Variants in NEBL observed in about 807,000 individuals in gnomAD.
The protein encoded by NEBL is LIM and SH3 protein 2.
Under a neutral mutation model 140.2 loss-of-function variants are expected in NEBL, and 122 were observed. That is an observed-to-expected ratio of 0.87 (90% CI 0.75 to 1.01). The LOEUF is 1.01. NEBL is among the 50% of genes least tolerant of loss of function. NEBL has a pLI of 0.00. For missense variants in NEBL, 1,365 were observed against 1,231.3 expected, an observed-to-expected ratio of 1.11 and a Z score of -1.62; for synonymous variants, 436 against 398.9, an observed-to-expected ratio of 1.09 and a Z score of -1.11.
intron 2 of NEBL, among the ~76,000 whole-genome samples, chr10:21,103,307 G>A (rs954414164): frequency 2.7e-5 from 4 of 150,790 alleles, no homozygotes; most frequent in South Asian, 2.1e-4. Context: ...TCCGCCTTCC[G>A]GGTTCATGCC....
intron 2 of NEBL, among the ~76,000 whole-genome samples, chr10:21,145,256 T>A (rs535184905): frequency 6.6e-6 from 1 of 152,340 alleles, no homozygotes; most frequent in South Asian, 2.1e-4. Context: ...ATAAGCCTTC[T>A]GGCTTGGCAA....
At chr10:21,196,352 T>A (rs1841651149) in intron 3 of NEBL, among the ~76,000 whole-genome samples, 1 of 150,786 alleles carries the variant, frequency 6.6e-6, no homozygotes. Context: ...TTTATTTATC[T>A]ATTTATTTTG....
At chr10:21,005,458 G>C (rs552324621) in intron 3 of NEBL, among the ~76,000 whole-genome samples, 1 of 152,172 alleles carries the variant, frequency 6.6e-6, no homozygotes, top group Non-Finnish European at 1.5e-5. Context: ...TATCTGGCCA[G>C]GCACAGTGGC....
intron 3 of NEBL, among the ~76,000 whole-genome samples, chr10:21,237,330 G>T (rs574874632): frequency 6.6e-6 from 1 of 151,892 alleles, no homozygotes; most frequent in East Asian, 1.9e-4. Context: ...TCAGCCTCCC[G>T]AGTAGCTAAG....
chr10:20,852,761 G>T, intron 9 of NEBL, 112 bp from the exon 10 acceptor site: 1 of 958,094 alleles, frequency 1.0e-6, no homozygotes, highest in Non-Finnish European at 1.6e-6. Flanking sequence ...CAAAGCTGTT[G>T]CCAAGTCCCC....
At chr10:20,886,988 C>G (rs915234048) in intron 4 of NEBL, among the ~76,000 whole-genome samples, 1 of 152,168 alleles carries the variant, frequency 6.6e-6, no homozygotes, top group East Asian at 1.9e-4. Context: ...GAGCAAGGAA[C>G]GAGACAGATG....
rs749674238 is a variant in NEBL at position 20,897,196 on chromosome 10, G to C, written c.10C>G (p.Pro4Ala). MRVPVFEDIKDETE... is the reference protein window; with the variant it reads MRVAVFEDIKDETE... ...TCATCTTTTATATCCTCAAATACAG[G>C]GACCCTCATTTTTACCCTTTAAAAT... is the stretch of plus-strand genomic sequence containing the variant. The change falls in exon 1 of 28, where the codon CCT becomes GCT. Residue 4 changes from proline to alanine, a missense_variant. Physicochemically the swap from Pro to Ala is conservative, Grantham distance 27. Around this residue, in one of 2 missense-constraint regions of NEBL, gnomAD observed 1,323 missense variants for 1,154.8 expected, o/e 1.15. Coordinates refer to ENST00000377122, the MANE Select transcript of NEBL (RefSeq NM_006393.3). 1 of 1,594,334 alleles carries C rather than the reference G, an allele frequency of 6.3e-7. No homozygotes were observed. The highest frequency in any genetic ancestry group is 8.6e-7 in the Non-Finnish European group (1 of 1,167,350).
chr10:21,146,523 A>G, intron 2 of NEBL: 1 of 1,599,114 alleles, frequency 6.3e-7, no homozygotes, highest in Non-Finnish European at 8.5e-7. Flanking sequence ...CTCCTGCATT[A>G]TCAGAAAATG....
intron 7 of NEBL, among the ~76,000 whole-genome samples, chr10:20,866,321 C>G (rs887311052): frequency 6.6e-6 from 1 of 151,962 alleles, no homozygotes; most frequent in African/African-American, 2.4e-5. Context: ...ACATTACAAA[C>G]GCATTTAATG....
chr10:21,072,891 T>A (rs1210377580), intron 2 of NEBL, among the ~76,000 whole-genome samples: 2 of 152,174 alleles, frequency 1.3e-5, no homozygotes, highest in African/African-American at 4.8e-5. Flanking sequence ...CTTGGGAGGC[T>A]GAGGCATGAG....
intron 20 of NEBL, among the ~76,000 whole-genome samples, chr10:20,817,956 AG>A (rs1391970359): frequency 2.0e-5 from 3 of 152,196 alleles, no homozygotes; most frequent in Admixed American, 6.5e-5. Context: ...CACAAATAAA[AG>A]TAATGGAATC....
At chr10:20,865,103 A>G (rs1844136323) in intron 7 of NEBL, among the ~76,000 whole-genome samples, 2 of 152,166 alleles carry the variant, frequency 1.3e-5, no homozygotes, top group African/African-American at 4.8e-5. Context: ...CAAATGTCAA[A>G]ACTTTCTTCT....
chr10:20,819,660 T>C (rs1419880586), intron 19 of NEBL, 144 bp from the exon 20 acceptor site: 5 of 1,029,410 alleles, frequency 4.9e-6, no homozygotes, highest in Admixed American at 2.1e-5. Flanking sequence ...GAAATATGTA[T>C]TGCTTATAGA....
intron 26 of NEBL, among the ~76,000 whole-genome samples, chr10:20,804,982 A>C (rs1313996574): frequency 1.3e-5 from 2 of 152,174 alleles, no homozygotes; most frequent in Non-Finnish European, 2.9e-5. Flanking sequence ...GGCAACTATC[A>C]TTGTCCAAAT....
intron 2 of NEBL, among the ~76,000 whole-genome samples, chr10:21,071,671 C>T (rs114874951): frequency 2.6e-5 from 4 of 152,276 alleles, no homozygotes; most frequent in African/African-American, 9.6e-5. Flanking sequence ...CTGGGATCTC[C>T]AGGATTCATC....
chr10:20,838,285 T>G (rs1291945836), intron 13 of NEBL, among the ~76,000 whole-genome samples: 1 of 152,162 alleles, frequency 6.6e-6, no homozygotes, highest in Non-Finnish European at 1.5e-5. Flanking sequence ...TGGAAGAAGT[T>G]GATTTCAACT....
chr10:21,211,462 C>G (rs1415026172), intron 3 of NEBL, among the ~76,000 whole-genome samples: 1 of 152,084 alleles, frequency 6.6e-6, no homozygotes, highest in Non-Finnish European at 1.5e-5. Flanking sequence ...CAGAGTGAGA[C>G]TCTATCACAA....
At chr10:21,078,535 C>T (rs1836209380) in intron 2 of NEBL, among the ~76,000 whole-genome samples, 1 of 150,064 alleles carries the variant, frequency 6.7e-6, no homozygotes, top group Non-Finnish European at 1.5e-5. Flanking sequence ...CTTTGGAAAT[C>T]TTCTTGAATC....
intron 4 of NEBL, among the ~76,000 whole-genome samples, chr10:20,935,224 A>G (rs1335937200): frequency 6.6e-6 from 1 of 152,226 alleles, no homozygotes; most frequent in Non-Finnish European, 1.5e-5. Flanking sequence ...TCAGATGGAG[A>G]TTTTGTATAA....
Sources: gnomAD v4.1 joint callset for allele counts (sites outside exome capture counted in the v4.1 genomes callset) on GRCh38, gnomAD v4.1.1 for gene constraint, gnomAD v4.1.1 regional missense constraint, MANE v1.5 for transcripts, NCBI Gene and HGNC (gene_info 2026-07-23, HGNC 2026-07-21) for gene names.